DAB1: variants seen among roughly 807,000 people sequenced by gnomAD.
The protein encoded by DAB1 is disabled homolog 1.
DAB1 carries 15 observed loss-of-function variants against 64.6 expected under a neutral mutation model. The observed-to-expected ratio is 0.23, with a 90% CI of 0.16 to 0.36. The LOEUF (loss-of-function observed/expected upper bound fraction) is 0.36, where lower values mean the gene tolerates loss of function less well. Among genes scored for constraint, DAB1 ranks in the 10% least tolerant of loss-of-function variants. DAB1 has a pLI of 1.00. For missense variants in DAB1, 596 were observed against 706.7 expected (o/e 0.84, Z 1.78); for synonymous variants, 235 against 251.9 (o/e 0.93, Z 0.64).
At chr1:57,094,933 C>T (rs559080699) in intron 4 of DAB1, among the ~76,000 whole-genome samples, 16 of 152,236 alleles carry the variant, frequency 1.1e-4, no homozygotes, top group South Asian at 4.1e-4. Context: ...CCACATACCT[C>T]GATCTCTTGC....
intron 4 of DAB1, among the ~76,000 whole-genome samples, chr1:58,189,214 T>G (rs1019373787): frequency 1.3e-5 from 2 of 152,212 alleles, no homozygotes; most frequent in Non-Finnish European, 2.9e-5. Flanking sequence ...TTCAACTCTG[T>G]GAATGTTACT....
At chr1:57,202,630 T>C (rs1665196876) in intron 2 of DAB1, among the ~76,000 whole-genome samples, 1 of 152,220 alleles carries the variant, frequency 6.6e-6, no homozygotes, top group Non-Finnish European at 1.5e-5. Context: ...TAAGATGTAG[T>C]AGTTATACCC....
chr1:57,154,917 G>C (rs1660063443), intron 2 of DAB1, among the ~76,000 whole-genome samples: 1 of 151,972 alleles, frequency 6.6e-6, no homozygotes, highest in African/African-American at 2.4e-5. Context: ...GGAGTTGTTT[G>C]AGCTCCTTAT....
chr1:57,723,571 G>A (rs1436872679), intron 6 of DAB1, among the ~76,000 whole-genome samples: 4 of 152,162 alleles, frequency 2.6e-5, no homozygotes, highest in African/African-American at 4.8e-5. Context: ...ACAATCACTG[G>A]GAATTCTCTG....
intron 5 of DAB1, among the ~76,000 whole-genome samples, chr1:58,002,565 T>C (rs1570206247): frequency 6.6e-6 from 1 of 152,278 alleles, no homozygotes; most frequent in South Asian, 2.1e-4. Context: ...GTTCTGTACA[T>C]TGATCACACT....
intron 6 of DAB1, among the ~76,000 whole-genome samples, chr1:57,706,823 AG>A (rs1308397879): frequency 6.6e-6 from 1 of 152,100 alleles, no homozygotes; most frequent in African/African-American, 2.4e-5. Context: ...CTGTAATCCC[AG>A]CACTTTGGGA....
At chr1:58,153,323 AGCCC>A (rs1043787739) in intron 4 of DAB1, among the ~76,000 whole-genome samples, 5 of 152,224 alleles carry the variant, frequency 3.3e-5, no homozygotes, top group African/African-American at 1.2e-4. Flanking sequence ...TTTTCCAAAA[AGCCC>A]TGGAACACAA....
chr1:57,213,086 G>A (rs1460343935), intron 2 of DAB1, among the ~76,000 whole-genome samples: 1 of 151,400 alleles, frequency 6.6e-6, no homozygotes, highest in East Asian at 2.0e-4. Context: ...GCCCAGCTGG[G>A]TGATCTAAAG....
chr1:57,891,590 A>G (rs1202830), intron 5 of DAB1, among the ~76,000 whole-genome samples: 1 of 152,150 alleles, frequency 6.6e-6, no homozygotes, highest in Non-Finnish European at 1.5e-5. Flanking sequence ...TCACAATAGC[A>G]AAGTCTTGGA....
intron 7 of DAB1, among the ~76,000 whole-genome samples, chr1:57,546,452 A>G (rs544338811): frequency 6.6e-6 from 1 of 152,318 alleles, no homozygotes; most frequent in African/African-American, 2.4e-5. Context: ...TGACCATTTG[A>G]ATCCCAGCTC....
At chr1:57,606,507 A>AATAT (rs1553199464) in intron 7 of DAB1, among the ~76,000 whole-genome samples, 2 of 68,862 alleles carry the variant, frequency 2.9e-5, no homozygotes, top group African/African-American at 1.7e-4. Context: ...TATAATATAT[A>AATAT]ATATAATATA....
chr1:57,414,916 C>T (rs1349272424), intron 1 of DAB1, among the ~76,000 whole-genome samples: 1 of 152,112 alleles, frequency 6.6e-6, no homozygotes, highest in Admixed American at 6.5e-5. Flanking sequence ...GCTCAATGTC[C>T]TAATGATGGC....
At chr1:58,045,361 C>T (rs562501476) in intron 5 of DAB1, among the ~76,000 whole-genome samples, 6 of 152,286 alleles carry the variant, frequency 3.9e-5, no homozygotes, top group East Asian at 1.9e-4. Context: ...TCCAGGGGGA[C>T]GGTCTGCAGC....
intron 6 of DAB1, among the ~76,000 whole-genome samples, chr1:57,695,361 G>GAAGAAAGAAAGA (rs774722340): frequency 4.4e-5 from 3 of 68,628 alleles, no homozygotes; most frequent in Admixed American, 3.5e-4. Context: ...AGAAAAGAAA[G>GAAGAAAGAAAGA]AAGAAAGAAA....
chr1:57,116,850 A>G (rs1656182962), intron 4 of DAB1, among the ~76,000 whole-genome samples: 1 of 152,236 alleles, frequency 6.6e-6, no homozygotes, highest in Admixed American at 6.5e-5. Context: ...TATAACTGCT[A>G]TGAATTAATA....
intron 6 of DAB1, among the ~76,000 whole-genome samples, chr1:57,758,028 G>A (rs1569591827): frequency 6.6e-6 from 1 of 152,070 alleles, no homozygotes; most frequent in African/African-American, 2.4e-5. Context: ...TGTTGCCCAG[G>A]TTGGTCTTGA....
intron 2 of DAB1, among the ~76,000 whole-genome samples, chr1:57,249,210 T>G (rs528200973): frequency 2.1e-4 from 22 of 106,312 alleles, no homozygotes; most frequent in African/African-American, 6.6e-4. Flanking sequence ...GGATCTTGTA[T>G]GTATAGAGAA....
intron 5 of DAB1, among the ~76,000 whole-genome samples, chr1:58,099,830 G>A (rs1329745088): frequency 2.6e-5 from 4 of 152,208 alleles, no homozygotes; most frequent in African/African-American, 9.6e-5. Context: ...GTGGAACTGA[G>A]ACTCACGTCC....
At chr1:57,283,258 T>C (rs927103956) in intron 2 of DAB1, among the ~76,000 whole-genome samples, 2 of 152,252 alleles carry the variant, frequency 1.3e-5, no homozygotes, top group African/African-American at 4.8e-5. Flanking sequence ...TTTTCCTTTG[T>C]ACTTCTTATT....
Sources: gnomAD v4.1 joint callset for allele counts (sites outside exome capture counted in the v4.1 genomes callset) on GRCh38, gnomAD v4.1.1 for gene constraint, MANE v1.5 for transcripts, NCBI Gene and HGNC (gene_info 2026-07-23, HGNC 2026-07-21) for gene names.